The following PAPPA2 variants were observed in gnomAD, a reference collection of about 807,000 sequenced individuals.
PAPPA2 encodes the protein pappalysin-2.
A neutral mutation model predicts 176.4 loss-of-function variants in PAPPA2; 86 were observed. That is an observed-to-expected ratio of 0.49 (90% CI 0.41 to 0.58). PAPPA2 has a LOEUF of 0.58. Among genes scored for constraint, PAPPA2 ranks in the 20% least tolerant of loss-of-function variants. The probability of loss-of-function intolerance (pLI) is 0.00; values close to 1 mark genes in which losing one functional copy is unlikely to be tolerated. For synonymous variants in PAPPA2, 809 were observed against 852.2 expected, an observed-to-expected ratio of 0.95 and a Z score of 0.88; for missense variants, 2,073 against 2,256.9, an observed-to-expected ratio of 0.92 and a Z score of 1.65.
Position 176,706,596 on chromosome 1 carries a change from C to T in PAPPA2, c.3457+146C>T, listed in dbSNP as rs184528203. 231 of 685,178 alleles carry T rather than the reference C, an allele frequency of 3.4e-4. No individual in the cohort carries two copies. The African/African-American group carries it at 3.6e-3, about 11-fold the overall frequency. The allele number at this position is 685,178 out of a possible 1,614,324, so 42.4% of individuals were successfully genotyped here. A position where few individuals can be genotyped will look rare whatever the true frequency, so the allele number is the denominator to read the frequency against. ...CTTGTATGCCAGGCATGAATTGTTT[C>T]ACAGGTATTATCTCAGTCAATCCTT... On this transcript the variant is annotated intron_variant, in intron 10 of 22. Coordinates refer to ENST00000367662, the MANE Select transcript of PAPPA2 (RefSeq NM_020318.3).
rs550013495 is a variant in PAPPA2, at chr1:176,497,443, C to T, written c.-917+34025C>T. On this transcript the variant is annotated intron_variant, in intron 1 of 22. Transcript: ENST00000367662. ...ATAAATAAATTATAAAGATGAAAAA[C>T]TCGACTCTTAAGAACTTTGAGTCAC... Among the ~76,000 whole-genome samples the T allele has an allele frequency of 2.6e-4, 39 of 152,228 alleles. 1 individual carries two copies. In the South Asian group the frequency reaches 7.3e-3, roughly 28 times the overall value.
intron 14 of PAPPA2, among the ~76,000 whole-genome samples, chr1:176,763,981 T>C (rs1236719905): frequency 6.6e-6 from 1 of 152,170 alleles, no homozygotes; most frequent in Non-Finnish European, 1.5e-5. Context: ...TGGTGTATGC[T>C]CGGCTTTCTT....
intron 3 of PAPPA2, 80 bp downstream of exon 3, chr1:176,595,675 A>G (rs1247276374): frequency 7.5e-7 from 1 of 1,340,094 alleles, no homozygotes; most frequent in East Asian, 2.4e-5. Flanking sequence ...TTGGAGGCAA[A>G]TGTGTTCACA....
intron 2 of PAPPA2, among the ~76,000 whole-genome samples, chr1:176,582,732 T>A (rs1001155926): frequency 5.3e-5 from 8 of 152,168 alleles, no homozygotes; most frequent in South Asian, 2.1e-4. Context: ...TTTTGCTGTA[T>A]CCTTGTCTGG....
At chr1:176,836,942 G>A (rs1365414385) in intron 21 of PAPPA2, 1 of 152,210 alleles carries the variant, frequency 6.6e-6, no homozygotes, top group Non-Finnish European at 1.5e-5. Context: ...AGCATATGGA[G>A]TGATTGAATG....
At chr1:176,838,965 T>G (rs974668277) in intron 21 of PAPPA2, among the ~76,000 whole-genome samples, 1 of 152,222 alleles carries the variant, frequency 6.6e-6, no homozygotes, top group African/African-American at 2.4e-5. Flanking sequence ...GTAACTCAAT[T>G]GCTGAGAATT....
chr1:176,602,082 G>C (rs1344926724), intron 3 of PAPPA2, among the ~76,000 whole-genome samples: 1 of 152,152 alleles, frequency 6.6e-6, no homozygotes, highest in Non-Finnish European at 1.5e-5. Flanking sequence ...TCTAGTGTCT[G>C]ACCATGCTCT....
intron 1 of PAPPA2, among the ~76,000 whole-genome samples, chr1:176,487,847 G>T (rs760841330): frequency 9.9e-5 from 15 of 152,212 alleles, no homozygotes; most frequent in Non-Finnish European, 2.2e-4. Flanking sequence ...TAAGATAATT[G>T]GGCCAAGGGC....
intron 1 of PAPPA2, among the ~76,000 whole-genome samples, chr1:176,555,004 A>T (rs56008060): frequency 0.52 from 42,218 of 81,426 alleles, 7,888 homozygotes; most frequent in African/African-American, 0.62. Flanking sequence ...TGTGTGTGAG[A>T]GAGAGAGAGA....
chr1:176,715,199 A>G (rs889426966), intron 12 of PAPPA2, among the ~76,000 whole-genome samples: 12 of 152,192 alleles, frequency 7.9e-5, no homozygotes, highest in Non-Finnish European at 1.5e-5. Flanking sequence ...TGTGTTAATG[A>G]CACAAAAACA....
In PAPPA2 at chr1:176,709,906, G is replaced by A. The variant is rs1049684168; in HGVS notation, c.3458-77G>A. Reference sequence around the variant, plus strand: ...TTCAGTGGGCTGGAGAAGAAGTGTTGTGGACATTCCCATGTTCATTTTTTT... The same window carrying A: ...TTCAGTGGGCTGGAGAAGAAGTGTTATGGACATTCCCATGTTCATTTTTTT... On this transcript the variant is annotated intron_variant, in intron 10 of 22. Transcript: ENST00000367662. 1.4e-5 allele frequency: 19 copies of A among 1,339,754 alleles called. No homozygotes were observed. The African/African-American group carries it at 2.2e-4, about 15-fold the overall frequency. The allele number at this position is 1,339,754 out of a possible 1,614,324, so 83.0% of individuals were successfully genotyped here. A position where few individuals can be genotyped will look rare whatever the true frequency, so the allele number is the denominator to read the frequency against.
intron 3 of PAPPA2, among the ~76,000 whole-genome samples, chr1:176,639,832 C>A (rs1307469079): frequency 6.6e-6 from 1 of 151,190 alleles, no homozygotes; most frequent in Non-Finnish European, 1.5e-5. Context: ...AATTGCTTTT[C>A]ATGTACTTGG....
At chr1:176,662,033 A>G (rs1044687822) in intron 3 of PAPPA2, among the ~76,000 whole-genome samples, 1 of 152,168 alleles carries the variant, frequency 6.6e-6, no homozygotes, top group Admixed American at 6.5e-5. Flanking sequence ...CTCCTTGAAA[A>G]CAAGAGCCGT....
chr1:176,557,196 T>C lies in PAPPA2; in HGVS notation c.874T>C (p.Trp292Arg), dbSNP rs781455939. 3 of 1,611,212 alleles carry C rather than the reference T, an allele frequency of 1.9e-6. No individual in the cohort carries two copies. The highest frequency in any genetic ancestry group is 2.5e-6 in the Non-Finnish European group (3 of 1,178,872). ...IPREAFTVEA[W>R]VKPEGGQNNP... ...CCGGGAGGCGTTCACAGTGGAAGCC[T>C]GGGTTAAACCGGAGGGAGGACAGAA... Residue 292 changes from tryptophan to arginine, a missense_variant, in exon 2 of 23, where the codon TGG (tryptophan) becomes CGG (arginine). By Grantham distance (101) the Trp-to-Arg change is moderately radical. Around this residue, in one of 4 missense-constraint regions of PAPPA2, gnomAD observed 1,196 missense variants for 1,330.4 expected, o/e 0.90. Transcript: ENST00000367662.
At chr1:176,783,034 T>A (rs1664789423) in intron 17 of PAPPA2, among the ~76,000 whole-genome samples, 1 of 152,174 alleles carries the variant, frequency 6.6e-6, no homozygotes, top group South Asian at 2.1e-4. Flanking sequence ...AGTGATGGCT[T>A]TTAAGTTCCA....
intron 1 of PAPPA2, among the ~76,000 whole-genome samples, chr1:176,509,969 G>C (rs963100226): frequency 1.3e-5 from 2 of 152,154 alleles, no homozygotes; most frequent in African/African-American, 4.8e-5. Context: ...GGGAGGTTGA[G>C]ACTGCCATGA....
At chr1:176,722,308 T>A (rs142298142) in intron 12 of PAPPA2, among the ~76,000 whole-genome samples, 18 of 151,108 alleles carry the variant, frequency 1.2e-4, no homozygotes, top group African/African-American at 3.7e-4. Context: ...CTGGCTAATA[T>A]CTTCCTTTCA....
intron 17 of PAPPA2, among the ~76,000 whole-genome samples, chr1:176,786,764 A>AT (rs1410317972): frequency 1.3e-5 from 2 of 152,266 alleles, no homozygotes; most frequent in African/African-American, 4.8e-5. Flanking sequence ...ATAAGCTTTA[A>AT]TTTTCTCTCA....
intron 1 of PAPPA2, among the ~76,000 whole-genome samples, chr1:176,467,699 T>C (rs574028349): frequency 6.6e-6 from 1 of 152,334 alleles, no homozygotes; most frequent in African/African-American, 2.4e-5. Context: ...AAGTTATGCT[T>C]CCTATCTGTC....
Sources: allele counts gnomAD v4.1 joint callset (sites outside exome capture counted in the v4.1 genomes callset), GRCh38; gene constraint gnomAD v4.1.1; regional missense constraint gnomAD v4.1.1; transcripts MANE v1.5; gene names NCBI Gene and HGNC (gene_info 2026-07-23, HGNC 2026-07-21).